Variants in CNTN4 observed in about 807,000 individuals in gnomAD.
The protein encoded by CNTN4 is contactin 4, also known as contactin-4.
CNTN4 carries 77 observed loss-of-function variants against 122.5 expected under a neutral mutation model. The observed-to-expected ratio is 0.63, with a 90% CI of 0.52 to 0.76. The LOEUF (loss-of-function observed/expected upper bound fraction) is 0.76, where lower values mean the gene tolerates loss of function less well. CNTN4 is among the 30% of genes least tolerant of loss of function. CNTN4 has a pLI of 0.00. For synonymous variants in CNTN4, 512 were observed against 447.0 expected, an observed-to-expected ratio of 1.15 and a Z score of -1.83; for missense variants, 1,256 against 1,259.1, an observed-to-expected ratio of 1.00 and a Z score of 0.04.
chr3:2,434,796 A>G (rs1260410488), intron 3 of CNTN4, among the ~76,000 whole-genome samples: 1 of 152,126 alleles, frequency 6.6e-6, no homozygotes, highest in Admixed American at 6.6e-5. Flanking sequence ...CACGAAGGCA[A>G]TATTGAATAT....
At chr3:2,167,340 A>G (rs2149211667) in intron 2 of CNTN4, among the ~76,000 whole-genome samples, 1 of 152,336 alleles carries the variant, frequency 6.6e-6, no homozygotes, top group East Asian at 1.9e-4. Flanking sequence ...AACCACAACC[A>G]AAAATAAAAA....
At chr3:3,009,520 G>A (rs1158404449) in intron 14 of CNTN4, among the ~76,000 whole-genome samples, 4 of 150,694 alleles carry the variant, frequency 2.7e-5, no homozygotes, top group Admixed American at 6.6e-5. Context: ...TGCAAGCTCC[G>A]CCCCCCGGGT....
At chr3:2,527,384 G>A (rs1190681970) in intron 3 of CNTN4, among the ~76,000 whole-genome samples, 16 of 152,096 alleles carry the variant, frequency 1.1e-4, no homozygotes, top group African/African-American at 3.6e-4. Context: ...CTTGAGGACT[G>A]GCACACCAAA....
Position 3,026,184 on chromosome 3 carries a change from T to C in CNTN4, c.1569T>C (p.His523=). Residue 523 remains histidine (H), a synonymous_variant, in exon 15 of 25, where the codon CAT becomes CAC. Transcript: ENST00000418658. ...ESIVLPCQVT[H]DHSLDIVFTW... is the part of the protein sequence containing the mutation. Reference sequence around the variant, plus strand: ...TTGTTTTACCGTGCCAGGTAACGCATGATCACTCGCTAGACATCGTGTTTA... The same window carrying C: ...TTGTTTTACCGTGCCAGGTAACGCACGATCACTCGCTAGACATCGTGTTTA... The C allele has an allele frequency of 6.2e-7, 1 of 1,613,484 alleles. No homozygotes were observed. Among genetic ancestry groups the C allele is most frequent in the South Asian group, 1.1e-5 (1 of 91,066 alleles).
intron 7 of CNTN4, among the ~76,000 whole-genome samples, chr3:2,825,529 A>T (rs1001737880): frequency 3.3e-5 from 5 of 152,206 alleles, no homozygotes; most frequent in South Asian, 2.1e-4. Context: ...GCCTAAAAAA[A>T]TGTTTAAAAA....
chr3:2,779,542 A>T (rs1214228870), intron 6 of CNTN4, among the ~76,000 whole-genome samples: 2 of 152,136 alleles, frequency 1.3e-5, no homozygotes, highest in Non-Finnish European at 2.9e-5. Flanking sequence ...ATTATGTTGG[A>T]TGGAAAGAGA....
At chr3:2,384,517 A>G (rs2046162834) in intron 3 of CNTN4, among the ~76,000 whole-genome samples, 1 of 152,220 alleles carries the variant, frequency 6.6e-6, no homozygotes, top group African/African-American at 2.4e-5. Context: ...GCTTATTTTA[A>G]TGGTTTTCTA....
chr3:2,445,017 ATCT>A lies in CNTN4; in HGVS notation c.-89+105785_-89+105787del, dbSNP rs1559558355. Among the ~76,000 whole-genome samples the A allele has an allele frequency of 3.2e-3, 486 of 151,402 alleles. 1 individual carries two copies. Among genetic ancestry groups the A allele is most frequent in the African/African-American group, 0.011 (431 of 41,014 alleles). On this transcript the variant is annotated intron_variant, in intron 3 of 24. Coordinates refer to ENST00000418658, the MANE Select transcript of CNTN4 (RefSeq NM_175607.3). ...TACTATGTAAAAAAAAAAAAAATCT[ATCT>A]CTCTATCTATCTATCTATCTATCTG...
intron 2 of CNTN4, among the ~76,000 whole-genome samples, chr3:2,193,493 T>C (rs1038312269): frequency 3.0e-4 from 45 of 152,284 alleles, no homozygotes; most frequent in Non-Finnish European, 1.5e-4. Flanking sequence ...GATACTGTAG[T>C]AAAGAGATGT....
chr3:2,522,204 G>A (rs962010847), intron 3 of CNTN4, among the ~76,000 whole-genome samples: 3 of 150,490 alleles, frequency 2.0e-5, no homozygotes, highest in Non-Finnish European at 4.4e-5. Flanking sequence ...TAATTAATAT[G>A]AAAGATATTA....
At chr3:2,355,234 A>G (rs112538633) in intron 3 of CNTN4, among the ~76,000 whole-genome samples, 302 of 152,364 alleles carry the variant, frequency 2.0e-3, no homozygotes, top group African/African-American at 5.3e-3. Flanking sequence ...AATACAGAAT[A>G]GTAAAGAACT....
chr3:2,940,806 A>G (rs555731971), intron 13 of CNTN4, among the ~76,000 whole-genome samples: 1 of 152,344 alleles, frequency 6.6e-6, no homozygotes, highest in African/African-American at 2.4e-5. Context: ...AGTCAAGGTC[A>G]TCTTCTGAAA....
At chr3:2,235,929 G>C (rs994740383) in intron 2 of CNTN4, among the ~76,000 whole-genome samples, 83 of 152,262 alleles carry the variant, frequency 5.5e-4, no homozygotes, top group African/African-American at 1.9e-3. Flanking sequence ...TTGAAGGAAA[G>C]ATTTCAGTAA....
At chr3:2,565,609 G>C (rs148869946) in intron 3 of CNTN4, among the ~76,000 whole-genome samples, 1 of 152,222 alleles carries the variant, frequency 6.6e-6, no homozygotes, top group African/African-American at 2.4e-5. Flanking sequence ...GTGTCCTTGT[G>C]GGCGGAGACC....
chr3:2,431,532 G>A (rs1369908619), intron 3 of CNTN4, among the ~76,000 whole-genome samples: 1 of 152,228 alleles, frequency 6.6e-6, no homozygotes, highest in Non-Finnish European at 1.5e-5. Context: ...GTCTAATTGT[G>A]TGTAATTGAC....
chr3:2,252,281 A>G (rs1012608044), intron 2 of CNTN4, among the ~76,000 whole-genome samples: 1 of 151,960 alleles, frequency 6.6e-6, no homozygotes, highest in Non-Finnish European at 1.5e-5. Flanking sequence ...AATGGACTTC[A>G]TTTTCAAATG....
At chr3:2,109,924 C>T (rs765730721) in intron 2 of CNTN4, among the ~76,000 whole-genome samples, 3 of 152,158 alleles carry the variant, frequency 2.0e-5, no homozygotes, top group Non-Finnish European at 4.4e-5. Context: ...ACTTAAGTTG[C>T]ATATCTAATT....
Position 2,206,894 on chromosome 3 carries a change from A to T in CNTN4, c.-145+106255A>T, listed in dbSNP as rs66704048. Reference sequence around the variant, plus strand: ...AGATACTGCTTTTTTTTTTTTTTTTAAAGAATTTTAAGGTTTGTGGCAACT... The same window carrying T: ...AGATACTGCTTTTTTTTTTTTTTTTTAAGAATTTTAAGGTTTGTGGCAACT... On this transcript the variant is annotated intron_variant, in intron 2 of 24. Coordinates refer to ENST00000418658, the MANE Select transcript of CNTN4 (RefSeq NM_175607.3). Among the ~76,000 whole-genome samples the T allele has an allele frequency of 9.4e-4, 116 of 123,602 alleles. 1 individual carries two copies. The highest frequency in any genetic ancestry group is 5.1e-3 in the East Asian group (11 of 2,150). 81.1% of individuals were successfully genotyped at this position (123,602 alleles called of 152,430 possible).
chr3:2,654,070 G>A (rs1210397479), intron 4 of CNTN4, among the ~76,000 whole-genome samples: 13 of 152,172 alleles, frequency 8.5e-5, no homozygotes, highest in Admixed American at 8.5e-4. Flanking sequence ...GCTTACAGTT[G>A]CTAATTTACC....
Sources: gnomAD v4.1 joint callset for allele counts (sites outside exome capture counted in the v4.1 genomes callset) on GRCh38, gnomAD v4.1.1 for gene constraint, MANE v1.5 for transcripts, NCBI Gene and HGNC (gene_info 2026-07-23, HGNC 2026-07-21) for gene names.